MYO5B: variants seen among roughly 807,000 people sequenced by gnomAD.
MYO5B encodes the protein unconventional myosin-Vb.
A neutral mutation model predicts 229.3 loss-of-function variants in MYO5B; 143 were observed. The ratio of observed to expected loss-of-function variants is 0.62; its 90% CI spans 0.54 to 0.72. The LOEUF is 0.72. MYO5B is among the 30% of genes least tolerant of loss of function. The pLI is 0.00. For missense variants in MYO5B, 2,321 were observed against 2,331.0 expected, an observed-to-expected ratio of 1.00 and a Z score of 0.09; for synonymous variants, 918 against 885.2, an observed-to-expected ratio of 1.04 and a Z score of -0.66.
chr18:49,998,619 T>C (rs74432636), intron 5 of MYO5B, among the ~76,000 whole-genome samples: 1,670 of 152,296 alleles, frequency 0.011, 37 homozygotes, highest in African/African-American at 0.038. Context: ...CTATGCACAA[T>C]ACCCAAAAGG....
At chr18:50,118,203 G>A (rs1003527657) in intron 1 of MYO5B, among the ~76,000 whole-genome samples, 10 of 152,152 alleles carry the variant, frequency 6.6e-5, no homozygotes, top group Admixed American at 1.3e-4. Context: ...AGTTTGCCCA[G>A]AACTTCCCTG....
At chr18:49,943,134 C>T (rs1209637486) in intron 14 of MYO5B, among the ~76,000 whole-genome samples, 1 of 145,206 alleles carries the variant, frequency 6.9e-6, no homozygotes, top group African/African-American at 2.6e-5. Context: ...CCAAACACCA[C>T]ATGTTTTCAC....
chr18:50,024,389 T>C (rs2026309221), intron 4 of MYO5B, among the ~76,000 whole-genome samples: 1 of 152,164 alleles, frequency 6.6e-6, no homozygotes, highest in Admixed American at 6.6e-5. Context: ...ACCTCTCTCC[T>C]TCTCTCTGCT....
chr18:50,027,450 T>C (rs907820843), intron 4 of MYO5B, among the ~76,000 whole-genome samples: 1 of 152,142 alleles, frequency 6.6e-6, no homozygotes, highest in African/African-American at 2.4e-5. Flanking sequence ...ACACATGCCC[T>C]TGCTCCAATA....
chr18:50,006,161 A>C (rs757741803), intron 4 of MYO5B, among the ~76,000 whole-genome samples: 1 of 152,170 alleles, frequency 6.6e-6, no homozygotes, highest in Non-Finnish European at 1.5e-5. Flanking sequence ...TAAAATCCTA[A>C]CAGGAAGTAG....
chr18:49,858,628 A>C (rs562847334), intron 29 of MYO5B, among the ~76,000 whole-genome samples: 1 of 152,350 alleles, frequency 6.6e-6, no homozygotes, highest in Admixed American at 6.5e-5. Context: ...GGGCACGCGA[A>C]GCTGACTCAC....
chr18:50,175,841 G>A (rs2032987944), intron 1 of MYO5B, among the ~76,000 whole-genome samples: 1 of 152,228 alleles, frequency 6.6e-6, no homozygotes, highest in Non-Finnish European at 1.5e-5. Flanking sequence ...CACCACGGAG[G>A]GGTTGAGGGG....
At chr18:50,105,450 G>A (rs1175651125) in intron 1 of MYO5B, among the ~76,000 whole-genome samples, 1 of 152,016 alleles carries the variant, frequency 6.6e-6, no homozygotes, top group East Asian at 1.9e-4. Flanking sequence ...TAACCTGTGA[G>A]CTCTGAACCA....
chr18:49,834,343 C>T (rs1193870195), intron 39 of MYO5B, among the ~76,000 whole-genome samples: 2 of 152,188 alleles, frequency 1.3e-5, no homozygotes, highest in Non-Finnish European at 2.9e-5. Context: ...TATCCCTTCA[C>T]TGGCCAACAA....
intron 31 of MYO5B, chr18:49,849,990 C>G: frequency 2.6e-6 from 1 of 390,932 alleles, no homozygotes; most frequent in South Asian, 2.2e-5. Context: ...ACACACTCAG[C>G]CTAGGAGTCC....
chr18:49,970,536 G>C (rs1409983986), intron 10 of MYO5B, among the ~76,000 whole-genome samples: 1 of 152,220 alleles, frequency 6.6e-6, no homozygotes, highest in African/African-American at 2.4e-5. Flanking sequence ...GGGGAGAAAT[G>C]TGTGTATACG....
intron 1 of MYO5B, among the ~76,000 whole-genome samples, chr18:50,073,698 G>T (rs944860849): frequency 6.6e-6 from 1 of 152,014 alleles, no homozygotes; most frequent in Admixed American, 6.5e-5. Flanking sequence ...TATGTAGATT[G>T]AAAGTTTTAA....
At chr18:50,055,021 G>C (rs897500743) in intron 2 of MYO5B, among the ~76,000 whole-genome samples, 1 of 152,072 alleles carries the variant, frequency 6.6e-6, no homozygotes, top group Admixed American at 6.5e-5. Context: ...TTCCTGCCTT[G>C]ATCACCAATG....
At chr18:49,934,361 T>G (rs1293213202) in intron 16 of MYO5B, among the ~76,000 whole-genome samples, 2 of 152,206 alleles carry the variant, frequency 1.3e-5, no homozygotes, top group African/African-American at 4.8e-5. Context: ...CCTCCCACCT[T>G]TTCTTTGTAT....
chr18:50,080,955 T>C (rs1399953162), intron 1 of MYO5B, among the ~76,000 whole-genome samples: 3 of 152,154 alleles, frequency 2.0e-5, no homozygotes, highest in East Asian at 3.8e-4. Context: ...TTCTTTAAAA[T>C]ATTGAATTTC....
chr18:49,954,214 G>C, intron 13 of MYO5B, 99 bp downstream of exon 13: 1 of 1,556,058 alleles, frequency 6.4e-7, no homozygotes, highest in South Asian at 1.1e-5. Context: ...CAGGCCATTT[G>C]AATTCAGAAG....
intron 1 of MYO5B, among the ~76,000 whole-genome samples, chr18:50,093,604 T>G (rs546060776): frequency 1.3e-5 from 2 of 152,050 alleles, no homozygotes; most frequent in African/African-American, 4.8e-5. Context: ...AGTCACAGGA[T>G]GAGATAGGAG....
chr18:49,925,205 T>A (rs376298950), intron 17 of MYO5B, among the ~76,000 whole-genome samples: 1 of 152,248 alleles, frequency 6.6e-6, no homozygotes, highest in Non-Finnish European at 1.5e-5. Context: ...ATCTGCATGA[T>A]AAAACCCTGG....
intron 21 of MYO5B, among the ~76,000 whole-genome samples, chr18:49,897,377 G>A (rs1200590119): frequency 6.6e-6 from 1 of 152,134 alleles, no homozygotes; most frequent in Admixed American, 6.5e-5. Context: ...TCCTGACCTT[G>A]TGTGTGTCTA....
Sources: gnomAD v4.1 joint callset for allele counts (sites outside exome capture counted in the v4.1 genomes callset) on GRCh38, gnomAD v4.1.1 for gene constraint, MANE v1.5 for transcripts, NCBI Gene and HGNC (gene_info 2026-07-23, HGNC 2026-07-21) for gene names.